RXRA: variants seen among roughly 807,000 people sequenced by gnomAD.
RXRA encodes the protein retinoic acid receptor RXR-alpha.
Under a neutral mutation model 44.5 loss-of-function variants are expected in RXRA, and 5 were observed. The ratio of observed to expected loss-of-function variants is 0.11; its 90% CI spans 0.06 to 0.24. The LOEUF is 0.24. RXRA is among the 10% of genes least tolerant of loss of function. RXRA has a pLI of 1.00. For synonymous variants in RXRA, 291 were observed against 271.4 expected (o/e 1.07, Z -0.71); for missense variants, 412 against 646.5 (o/e 0.64, Z 3.93).
At chr9:134,377,528 C>A (rs1196178198) in intron 1 of RXRA, among the ~76,000 whole-genome samples, 2 of 152,088 alleles carry the variant, frequency 1.3e-5, no homozygotes, top group Non-Finnish European at 2.9e-5. Context: ...GTGAAGTCTC[C>A]GTGTGTGTGT....
At chr9:134,395,730 C>T (rs565207480) in intron 1 of RXRA, among the ~76,000 whole-genome samples, 118 of 152,354 alleles carry the variant, frequency 7.7e-4, no homozygotes, top group African/African-American at 2.7e-3. Flanking sequence ...CTCCATCATC[C>T]GACCCTGCTT....
intron 3 of RXRA, 71 bp downstream of exon 3, chr9:134,408,370 C>A: frequency 6.8e-7 from 1 of 1,461,558 alleles, no homozygotes; most frequent in Non-Finnish European, 9.2e-7. Context: ...TGGAGGCCTC[C>A]CCAAATCACC....
At chr9:134,339,219 C>G (rs528437292) in intron 1 of RXRA, among the ~76,000 whole-genome samples, 3 of 152,358 alleles carry the variant, frequency 2.0e-5, no homozygotes, top group Non-Finnish European at 2.9e-5. Context: ...AAGGCCAGGA[C>G]TGAGGTGGCT....
intron 1 of RXRA, among the ~76,000 whole-genome samples, chr9:134,329,590 G>A (rs1588244108): frequency 6.6e-6 from 1 of 152,152 alleles, no homozygotes; most frequent in Non-Finnish European, 1.5e-5. Context: ...GGTGGGGGGC[G>A]GGTGCTCTGA....
chr9:134,339,513 G>A (rs577046787), intron 1 of RXRA, among the ~76,000 whole-genome samples: 17 of 150,928 alleles, frequency 1.1e-4, no homozygotes, highest in Middle Eastern at 3.4e-3. Context: ...GTGTGTGTGA[G>A]TCTGTGTGTG....
Position 134,433,977 on chromosome 9 carries a change from C to A in RXRA, c.1136-125C>A. 1 of 665,344 alleles carries A rather than the reference C, an allele frequency of 1.5e-6. No homozygotes were observed. Among genetic ancestry groups the A allele is most frequent in the Non-Finnish European group, 2.6e-6 (1 of 388,322 alleles). 41.2% of individuals were successfully genotyped at this position (665,344 alleles called of 1,614,324 possible). ...GGGCGGAGGCATGTCCAGCGGCATT[C>A]CTCCACCACCTGCTCTGCCCATGGT... On this transcript the variant is annotated intron_variant, in intron 8 of 9. Transcript: ENST00000481739. This position sits in a 1 kb window ranked among gnomAD's most constrained non-coding sequence, Gnocchi z 4.2.
At chr9:134,387,182 A>C (rs1830732542) in intron 1 of RXRA, among the ~76,000 whole-genome samples, 1 of 152,238 alleles carries the variant, frequency 6.6e-6, no homozygotes, top group South Asian at 2.1e-4. Flanking sequence ...GGTGGAGGCC[A>C]GAGCCGGCTC....
Position 134,408,997 on chromosome 9 carries a change from T to C in RXRA, c.488T>C (p.Val163Ala). The change falls in exon 4 of 10, where the codon GTG becomes GCG. Residue 163 changes from valine to alanine, a missense_variant. By Grantham distance (64) the Val-to-Ala change is moderately conservative. This residue lies in a region of RXRA where 48 missense variants were observed against 119.9 expected (regional missense o/e 0.40). Transcript: ENST00000481739. ...EGCKGFFKRTVRKDLTYTCRD... is the reference protein window; with the variant it reads ...EGCKGFFKRTARKDLTYTCRD... ...TGCAAGGGCTTCTTCAAGCGGACGG[T>C]GCGCAAGGACCTGACCTACACCTGC... 1.2e-6 allele frequency: 2 copies of C among 1,609,352 alleles called. No homozygotes were observed. The highest frequency in any genetic ancestry group is 1.7e-6 in the Non-Finnish European group (2 of 1,178,024).
chr9:134,421,839 C>A (rs754727546), intron 6 of RXRA, 34 bp downstream of exon 6: 1 of 1,609,744 alleles, frequency 6.2e-7, no homozygotes, highest in Non-Finnish European at 8.5e-7. Flanking sequence ...GATGGGGATG[C>A]CATGCAGATG....
At chr9:134,419,005 C>T (rs181980733) in intron 5 of RXRA, among the ~76,000 whole-genome samples, 10 of 152,348 alleles carry the variant, frequency 6.6e-5, no homozygotes, top group African/African-American at 1.4e-4. Context: ...CCCACGTCCC[C>T]GGCTCTGCTC....
intron 1 of RXRA, among the ~76,000 whole-genome samples, chr9:134,374,427 C>T (rs543615882): frequency 8.5e-5 from 13 of 152,244 alleles, no homozygotes; most frequent in South Asian, 8.3e-4. Context: ...GGGGGTGAAT[C>T]GCAGGCCACC....
intron 1 of RXRA, among the ~76,000 whole-genome samples, chr9:134,378,917 T>G (rs1830598170): frequency 6.6e-6 from 1 of 152,218 alleles, no homozygotes; most frequent in Non-Finnish European, 1.5e-5. Flanking sequence ...CAAGTCAGAT[T>G]GTCCTGCTTC....
chr9:134,423,635 T>C (rs1479869329), intron 6 of RXRA: 3 of 985,382 alleles, frequency 3.0e-6, no homozygotes, highest in East Asian at 1.1e-4. Flanking sequence ...GCTGGCCTCG[T>C]GTCTGGTGGG....
intron 1 of RXRA, chr9:134,379,162 A>G: frequency 1.5e-6 from 1 of 666,390 alleles, no homozygotes; most frequent in Non-Finnish European, 1.9e-6. Flanking sequence ...TCCTCTGCAC[A>G]GCAGGACCCG....
intron 1 of RXRA, chr9:134,380,082 T>C (rs557665234): frequency 8.5e-5 from 84 of 985,470 alleles, no homozygotes; most frequent in Non-Finnish European, 1.0e-4. Flanking sequence ...GCAGCCCCTC[T>C]GTTGTCGTGG....
chr9:134,413,885 A>G (rs1038707536), intron 4 of RXRA, among the ~76,000 whole-genome samples: 1 of 152,036 alleles, frequency 6.6e-6, no homozygotes, highest in Non-Finnish European at 1.5e-5. Context: ...TCCTGGGAGG[A>G]CTGGGCTGCG....
chr9:134,383,020 C>T (rs1012343379), intron 1 of RXRA, among the ~76,000 whole-genome samples: 27 of 152,182 alleles, frequency 1.8e-4, no homozygotes, highest in African/African-American at 6.0e-4. Context: ...CCTGGCTATG[C>T]CCCTGGGCTG....
At chr9:134,434,834 T>C (rs963824023) in intron 9 of RXRA, among the ~76,000 whole-genome samples, 2 of 132,290 alleles carry the variant, frequency 1.5e-5, no homozygotes, top group African/African-American at 5.7e-5. Flanking sequence ...GGGCATCTCC[T>C]GGCCTCTTGA....
At chr9:134,350,207 A>G (rs1243369616) in intron 1 of RXRA, among the ~76,000 whole-genome samples, 1 of 151,862 alleles carries the variant, frequency 6.6e-6, no homozygotes, top group African/African-American at 2.4e-5. Context: ...CCAGGGCAGG[A>G]TGTATGGAAA....
Sources: allele counts gnomAD v4.1 joint callset (sites outside exome capture counted in the v4.1 genomes callset), GRCh38; gene constraint gnomAD v4.1.1; regional missense constraint gnomAD v4.1.1; non-coding constraint Gnocchi (gnomAD v3.1); transcripts MANE v1.5; gene names NCBI Gene and HGNC (gene_info 2026-07-23, HGNC 2026-07-21).